NEK7: variants seen among roughly 807,000 people sequenced by gnomAD.
NEK7 encodes NIMA related kinase 7.
A neutral mutation model predicts 44.6 loss-of-function variants in NEK7; 18 were observed. The ratio of observed to expected loss-of-function variants is 0.40; its 90% CI spans 0.28 to 0.60. The LOEUF is 0.60. Ranked by LOEUF, NEK7 falls within the 20% of genes least tolerant of loss-of-function variation. The pLI is 0.38. For synonymous variants in NEK7, 130 were observed against 121.1 expected (o/e 1.07, Z -0.48); for missense variants, 256 against 366.5 (o/e 0.70, Z 2.46).
At position 198,319,665 on chromosome 1, in the gene NEK7, A is replaced by T; in HGVS notation, c.*143A>T. ...CTTAACCAGTTTTCATATAAGCTTC[A>T]TTTTGTACCAGTCACCTAAATCACC... On this transcript the variant is annotated 3_prime_UTR_variant, in exon 10 of 10. Transcript: ENST00000367385. 5 of 987,584 alleles carry T rather than the reference A, an allele frequency of 5.1e-6. No homozygotes were observed. Among genetic ancestry groups the T allele is most frequent in the Non-Finnish European group, 6.7e-6 (5 of 741,844 alleles). The allele number at this position is 987,584 out of a possible 1,614,324, so 61.2% of individuals were successfully genotyped here. A position where few individuals can be genotyped will look rare whatever the true frequency, so the allele number is the denominator to read the frequency against.
At chr1:198,236,599 T>C (rs1024368395) in intron 2 of NEK7, among the ~76,000 whole-genome samples, 1 of 152,250 alleles carries the variant, frequency 6.6e-6, no homozygotes, top group East Asian at 1.9e-4. Flanking sequence ...CTTGCTCCTA[T>C]TTTACTGAAG....
At chr1:198,236,315 A>T (rs1440367417) in intron 2 of NEK7, among the ~76,000 whole-genome samples, 1 of 152,194 alleles carries the variant, frequency 6.6e-6, no homozygotes, top group African/African-American at 2.4e-5. Context: ...GGAAGTCTTT[A>T]CAGAAATTTA....
intron 1 of NEK7, among the ~76,000 whole-genome samples, chr1:198,206,001 A>AT (rs1665587409): frequency 6.6e-6 from 1 of 152,150 alleles, no homozygotes. Flanking sequence ...AGGATGATAT[A>AT]TTATTTATTG....
chr1:198,159,265 G>A (rs1157124282), intron 1 of NEK7, among the ~76,000 whole-genome samples: 2 of 152,142 alleles, frequency 1.3e-5, no homozygotes, highest in African/African-American at 4.8e-5. Context: ...GTCTGCGGAA[G>A]GGGCGCCAGG....
chr1:198,252,726 A>G (rs1482506773), intron 2 of NEK7, among the ~76,000 whole-genome samples: 1 of 150,732 alleles, frequency 6.6e-6, no homozygotes, highest in Admixed American at 6.6e-5. Context: ...ATTTATTAAA[A>G]CATGTATGTA....
intron 9 of NEK7, among the ~76,000 whole-genome samples, chr1:198,314,998 A>C (rs1278815906): frequency 1.3e-5 from 2 of 152,174 alleles, no homozygotes. Flanking sequence ...TTACCTAAGC[A>C]CGCCTGGGCA....
At chr1:198,190,886 C>A (rs1373426188) in intron 1 of NEK7, among the ~76,000 whole-genome samples, 2 of 151,908 alleles carry the variant, frequency 1.3e-5, no homozygotes, top group Non-Finnish European at 2.9e-5. Context: ...GCTATGCTTC[C>A]TATTAGATAA....
chr1:198,247,069 C>T (rs534822237), intron 2 of NEK7, among the ~76,000 whole-genome samples: 6 of 152,178 alleles, frequency 3.9e-5, no homozygotes, highest in African/African-American at 1.4e-4. Flanking sequence ...TTGTGAGTTT[C>T]TTTGTTACAT....
At chr1:198,275,203 T>G (rs1298660506) in intron 5 of NEK7, among the ~76,000 whole-genome samples, 1 of 142,678 alleles carries the variant, frequency 7.0e-6, no homozygotes, top group Non-Finnish European at 1.5e-5. Context: ...CTAGCCTACT[T>G]AAAAAAAAAA....
intron 1 of NEK7, among the ~76,000 whole-genome samples, chr1:198,224,760 T>C (rs1433560762): frequency 6.6e-6 from 1 of 152,104 alleles, no homozygotes; most frequent in African/African-American, 2.4e-5. Context: ...TATGTGGATA[T>C]AACCCACACA....
intron 9 of NEK7, among the ~76,000 whole-genome samples, chr1:198,315,774 G>A (rs1655351441): frequency 6.6e-6 from 1 of 152,162 alleles, no homozygotes; most frequent in Non-Finnish European, 1.5e-5. Flanking sequence ...CTGTTAGGAA[G>A]AGCTGGTTGG....
At chr1:198,173,288 G>A (rs1241261761) in intron 1 of NEK7, among the ~76,000 whole-genome samples, 3 of 152,008 alleles carry the variant, frequency 2.0e-5, no homozygotes, top group Non-Finnish European at 4.4e-5. Flanking sequence ...AATTAGCTAG[G>A]TGTCATGGTA....
rs185613458 is a variant in NEK7 at position 198,267,609 on chromosome 1, A to G, written c.372+3374A>G. Among the ~76,000 whole-genome samples the G allele has an allele frequency of 6.4e-4, 97 of 151,940 alleles. 1 individual carries two copies. Among genetic ancestry groups the G allele is most frequent in the African/African-American group, 2.2e-3 (93 of 41,430 alleles). On this transcript the variant is annotated intron_variant, in intron 5 of 9. Transcript: ENST00000367385. ...CTGGTGTGCACCACCACACCTGGCT[A>G]ATTTTTGTATTTTTAGTAGAGATGG...
intron 2 of NEK7, 107 bp downstream of exon 2, chr1:198,232,744 G>T: frequency 8.5e-6 from 5 of 591,672 alleles, no homozygotes; most frequent in Non-Finnish European, 1.4e-5. Context: ...TAGCACAAAA[G>T]TGCTAATTTT....
chr1:198,284,326 T>C (rs551329176), intron 7 of NEK7, among the ~76,000 whole-genome samples: 2 of 152,328 alleles, frequency 1.3e-5, no homozygotes, highest in African/African-American at 2.4e-5. Context: ...TGATTTGTTG[T>C]TATTAGATCT....
At chr1:198,183,116 T>C (rs1664815090) in intron 1 of NEK7, among the ~76,000 whole-genome samples, 1 of 152,204 alleles carries the variant, frequency 6.6e-6, no homozygotes. Context: ...TCATTCTCTT[T>C]ATAGCTGCCA....
At chr1:198,262,909 T>G (rs1653524920) in intron 4 of NEK7, among the ~76,000 whole-genome samples, 1 of 151,846 alleles carries the variant, frequency 6.6e-6, no homozygotes, top group Admixed American at 6.6e-5. Flanking sequence ...TTGAAGAATT[T>G]TTTTTTCTTG....
chr1:198,285,426 A>G (rs774736689), intron 7 of NEK7, among the ~76,000 whole-genome samples: 2 of 152,196 alleles, frequency 1.3e-5, no homozygotes, highest in Non-Finnish European at 2.9e-5. Context: ...GTATGTTCTA[A>G]TCTTTTGTCA....
intron 8 of NEK7, among the ~76,000 whole-genome samples, chr1:198,294,046 T>C (rs542797149): frequency 2.0e-4 from 30 of 152,070 alleles, no homozygotes; most frequent in African/African-American, 7.2e-4. Context: ...AGGAGGTGTT[T>C]TTTGACTCTT....
Sources: allele counts gnomAD v4.1 joint callset (sites outside exome capture counted in the v4.1 genomes callset), GRCh38; gene constraint gnomAD v4.1.1; transcripts MANE v1.5; gene names NCBI Gene and HGNC (gene_info 2026-07-23, HGNC 2026-07-21).